Variants in RABGAP1 observed in about 807,000 individuals in gnomAD.
The protein encoded by RABGAP1 is RAB GTPase activating protein 1.
RABGAP1 carries 23 observed loss-of-function variants against 137.6 expected under a neutral mutation model. The ratio of observed to expected loss-of-function variants is 0.17; its 90% confidence interval spans 0.12 to 0.24. RABGAP1 has a LOEUF of 0.24. Among genes scored for constraint, RABGAP1 ranks in the 10% least tolerant of loss-of-function variants. The pLI is 1.00. For missense variants in RABGAP1, 906 were observed against 1,275.8 expected (o/e 0.71, Z 4.42); for synonymous variants, 451 against 450.7 (o/e 1.00, Z -0.01).
rs1250314581 is a variant in RABGAP1 at position 122,986,100 on chromosome 9, C to T, written c.386-115C>T. The T allele has an allele frequency of 1.0e-5, 9 of 901,610 alleles. No homozygotes were observed. The African/African-American group carries it at 1.2e-4, about 12-fold the overall frequency. 55.9% of individuals were successfully genotyped at this position (901,610 alleles called of 1,614,324 possible). ...TTTCTTTTAGGGTATGGCATATTGT[C>T]TCATTAATACTTAATTTTAGACCTT... On this transcript the variant is annotated intron_variant, in intron 3 of 25. Coordinates refer to ENST00000373647, the MANE Select transcript of RABGAP1 (RefSeq NM_012197.4).
At chr9:122,939,508 T>C (rs927963439), upstream of RABGAP1, 18 of 152,150 alleles carry the variant, frequency 1.2e-4, no homozygotes, top group African/African-American at 4.3e-4. Flanking sequence ...AATGCAATGT[T>C]TTCTTTTTTT....
Position 123,098,796 on chromosome 9 carries a change from C to A in RABGAP1, c.2815C>A (p.Gln939Lys). ...CAGTTCTATCATTGGTGACTATAAG[C>A]AGGTAGGTTCCAGTACCCTGGGATT... ...KNSSIIGDYK[Q>K]ICSQLSERLE... The change falls in exon 23 of 26, where the codon CAG becomes AAG. Residue 939 changes from glutamine to lysine, a missense_variant and splice_region_variant. Coordinates refer to ENST00000373647, the MANE Select transcript of RABGAP1 (RefSeq NM_012197.4). The A allele has an allele frequency of 1.2e-6, 2 of 1,612,526 alleles. No individual in the cohort carries two copies. Among genetic ancestry groups the A allele is most frequent in the South Asian group, 1.1e-5 (1 of 90,984 alleles).
chr9:122,978,600 C>G (rs977455935), intron 2 of RABGAP1, among the ~76,000 whole-genome samples: 2 of 152,152 alleles, frequency 1.3e-5, no homozygotes, highest in East Asian at 3.8e-4. Flanking sequence ...GTGCCACTCT[C>G]CTGCAGCTTG....
At chr9:122,968,968 C>CTAGCAAATACTAGGTCTTAT (rs1323053038) in intron 2 of RABGAP1, among the ~76,000 whole-genome samples, 1 of 152,190 alleles carries the variant, frequency 6.6e-6, no homozygotes, top group African/African-American at 2.4e-5. Context: ...CCCTATTGTG[C>CTAGCAAATACTAGGTCTTAT]TAGCAAATAC....
chr9:122,947,395 A>G (rs1332915877), intron 1 of RABGAP1, among the ~76,000 whole-genome samples: 2 of 152,190 alleles, frequency 1.3e-5, no homozygotes, highest in African/African-American at 4.8e-5. Flanking sequence ...TTCCAAGGAT[A>G]GATGATGGTG....
At chr9:122,946,402 G>C (rs1490567349) in intron 1 of RABGAP1, among the ~76,000 whole-genome samples, 1 of 152,078 alleles carries the variant, frequency 6.6e-6, no homozygotes, top group South Asian at 2.1e-4. Flanking sequence ...TTGTAGATGA[G>C]AAGGAACTAT....
chr9:122,957,681 T>C (rs1432873690), intron 2 of RABGAP1, among the ~76,000 whole-genome samples: 1 of 152,172 alleles, frequency 6.6e-6, no homozygotes, highest in Admixed American at 6.5e-5. Context: ...CTACTCTTTA[T>C]TGATATAAAT....
intron 10 of RABGAP1, among the ~76,000 whole-genome samples, chr9:123,007,990 TAA>T (rs1181397710): frequency 6.6e-6 from 1 of 150,386 alleles, no homozygotes; most frequent in Non-Finnish European, 1.5e-5. Flanking sequence ...ATTTAATATA[TAA>T]AAGTTTTATA....
At chr9:123,015,419 AAG>A (rs1277152875) in intron 11 of RABGAP1, 122 bp from the exon 12 acceptor site, 8 of 565,046 alleles carry the variant, frequency 1.4e-5, no homozygotes, top group African/African-American at 7.7e-5. Flanking sequence ...TAAATACTAA[AAG>A]AGAGAAATTA....
intron 15 of RABGAP1, 23 bp from the exon 16 acceptor site, chr9:123,073,529 A>T: frequency 2.5e-6 from 4 of 1,602,336 alleles, no homozygotes; most frequent in Middle Eastern, 1.7e-4. Context: ...CTCCCTACCC[A>T]ACAACTTGCC....
At chr9:122,986,768 G>T (rs984427613) in intron 4 of RABGAP1, among the ~76,000 whole-genome samples, 1 of 151,702 alleles carries the variant, frequency 6.6e-6, no homozygotes, top group Non-Finnish European at 1.5e-5. Context: ...GTTTCATGTT[G>T]AGTTTGAAAG....
At chr9:123,008,791 C>T (rs1425408686) in intron 10 of RABGAP1, among the ~76,000 whole-genome samples, 1 of 152,020 alleles carries the variant, frequency 6.6e-6, no homozygotes, top group Non-Finnish European at 1.5e-5. Context: ...ACTTGTGGAA[C>T]TTGGATTTAC....
chr9:122,993,509 T>C (rs1055836221), intron 6 of RABGAP1, among the ~76,000 whole-genome samples: 3 of 152,008 alleles, frequency 2.0e-5, no homozygotes, highest in African/African-American at 7.2e-5. Flanking sequence ...TGACCTCAGG[T>C]GATCCACCTG....
intron 13 of RABGAP1, among the ~76,000 whole-genome samples, chr9:123,045,946 C>T (rs1238467243): frequency 6.6e-6 from 1 of 152,146 alleles, no homozygotes. Context: ...CTTTGCCACA[C>T]AGAGGTCAGA....
intron 13 of RABGAP1, among the ~76,000 whole-genome samples, chr9:123,036,203 A>G (rs1056365894): frequency 6.6e-6 from 1 of 152,260 alleles, no homozygotes; most frequent in African/African-American, 2.4e-5. Flanking sequence ...TAGGGTGAAT[A>G]ATGTGAACAC....
At chr9:123,086,252 A>G (rs1273625888) in intron 19 of RABGAP1, among the ~76,000 whole-genome samples, 1 of 152,240 alleles carries the variant, frequency 6.6e-6, no homozygotes, top group Non-Finnish European at 1.5e-5. Flanking sequence ...CAGAAGGAGC[A>G]TGCTTGCATT....
At chr9:122,962,606 C>T (rs1179987562) in intron 2 of RABGAP1, among the ~76,000 whole-genome samples, 1 of 151,720 alleles carries the variant, frequency 6.6e-6, no homozygotes, top group African/African-American at 2.4e-5. Context: ...GGAAAAAAAT[C>T]ATCAAAGAAA....
intron 1 of RABGAP1, among the ~76,000 whole-genome samples, chr9:122,951,590 A>G (rs1409824078): frequency 6.8e-6 from 1 of 147,196 alleles, no homozygotes; most frequent in African/African-American, 2.5e-5. Flanking sequence ...TTTTTTTTTG[A>G]GATGGGGTCT....
intron 2 of RABGAP1, 44 bp downstream of exon 2, chr9:122,957,253 G>A: frequency 4.2e-6 from 6 of 1,426,340 alleles, no homozygotes; most frequent in Non-Finnish European, 5.6e-6. Flanking sequence ...GCTTTTCTAA[G>A]CCCATTGCAA....
Sources: gnomAD v4.1 joint callset for allele counts (sites outside exome capture counted in the v4.1 genomes callset) on GRCh38, gnomAD v4.1.1 for gene constraint, MANE v1.5 for transcripts, NCBI Gene and HGNC (gene_info 2026-07-23, HGNC 2026-07-21) for gene names.